PPP4R4: variants seen among roughly 807,000 people sequenced by gnomAD.
The protein encoded by PPP4R4 is serine/threonine-protein phosphatase 4 regulatory subunit 4.
A neutral mutation model predicts 121.8 loss-of-function variants in PPP4R4; 70 were observed. The ratio of observed to expected loss-of-function variants is 0.57; its 90% CI spans 0.47 to 0.70. The LOEUF is 0.70. Among genes scored for constraint, PPP4R4 ranks in the 30% least tolerant of loss-of-function variants. The probability of loss-of-function intolerance (pLI) is 0.00; values close to 1 mark genes in which losing one functional copy is unlikely to be tolerated. For synonymous variants in PPP4R4, 348 were observed against 355.7 expected (o/e 0.98, Z 0.24); for missense variants, 875 against 1,033.6 (o/e 0.85, Z 2.10).
At chr14:94,245,783 C>A in intron 13 of PPP4R4, 113 bp downstream of exon 13, 1 of 631,340 alleles carries the variant, frequency 1.6e-6, no homozygotes, top group Non-Finnish European at 2.6e-6. Context: ...ATAGTGCATG[C>A]CACATAGCAG....
chr14:94,182,881 C>T (rs1414227909), intron 2 of PPP4R4, among the ~76,000 whole-genome samples: 2 of 152,150 alleles, frequency 1.3e-5, no homozygotes, highest in Non-Finnish European at 2.9e-5. Flanking sequence ...GTTTGTACTT[C>T]TGCCAGCAGT....
chr14:94,257,700 C>T (rs1197307328), intron 17 of PPP4R4, among the ~76,000 whole-genome samples: 2 of 150,428 alleles, frequency 1.3e-5, no homozygotes, highest in Non-Finnish European at 3.0e-5. Context: ...ACAGTTCCTT[C>T]CTTACTATTT....
intron 2 of PPP4R4, among the ~76,000 whole-genome samples, chr14:94,202,189 A>G (rs1339220943): frequency 6.6e-6 from 1 of 152,072 alleles, no homozygotes; most frequent in Non-Finnish European, 1.5e-5. Context: ...AAAAGACTAC[A>G]CACTGGGTAC....
chr14:94,272,143 G>A (rs948687741), intron 23 of PPP4R4, among the ~76,000 whole-genome samples: 2 of 152,166 alleles, frequency 1.3e-5, no homozygotes, highest in Non-Finnish European at 2.9e-5. Flanking sequence ...AAGTTATTTG[G>A]TGGATATCAA....
intron 8 of PPP4R4, among the ~76,000 whole-genome samples, chr14:94,238,944 C>G (rs1446864885): frequency 6.6e-6 from 1 of 152,180 alleles, no homozygotes; most frequent in Non-Finnish European, 1.5e-5. Flanking sequence ...TCCCCAGGCT[C>G]CAAACTAGAA....
chr14:94,202,714 C>T (rs1249413311), intron 2 of PPP4R4, among the ~76,000 whole-genome samples: 1 of 152,190 alleles, frequency 6.6e-6, no homozygotes, highest in African/African-American at 2.4e-5. Flanking sequence ...TGTGGTGGCT[C>T]ACGCCTGTAA....
At chr14:94,276,239 T>C (rs1223039826) in intron 24 of PPP4R4, among the ~76,000 whole-genome samples, 1 of 152,220 alleles carries the variant, frequency 6.6e-6, no homozygotes, top group Non-Finnish European at 1.5e-5. Flanking sequence ...TTAACAAGAT[T>C]TAGATTTTCT....
chr14:94,228,430 C>G (rs1377167574), intron 3 of PPP4R4, among the ~76,000 whole-genome samples: 1 of 152,142 alleles, frequency 6.6e-6, no homozygotes, highest in African/African-American at 2.4e-5. Flanking sequence ...GTGTTATCCC[C>G]TATTGTGATG....
At position 94,253,649 on chromosome 14, in the gene PPP4R4, CA is replaced by C. The variant is rs1449954447; in HGVS notation, c.1865+1754del. ...GAAACGAAATCATCTCTACTTTGATCAGTGTAACTAAGAGCATAACATTGAC... is the reference window on the plus strand; with the variant it reads ...GAAACGAAATCATCTCTACTTTGATCGTGTAACTAAGAGCATAACATTGAC... On this transcript the variant is annotated intron_variant, in intron 16 of 24. Transcript: ENST00000304338. Among the ~76,000 whole-genome samples the C allele has an allele frequency of 3.9e-5, 6 of 152,332 alleles. No individual in the cohort carries two copies. The East Asian group carries it at 9.6e-4, about 24-fold the overall frequency.
chr14:94,249,043 G>C (rs1307170379), intron 14 of PPP4R4, among the ~76,000 whole-genome samples: 1 of 151,562 alleles, frequency 6.6e-6, no homozygotes, highest in Non-Finnish European at 1.5e-5. Flanking sequence ...TTTGACTTCT[G>C]GCCCAAAAGA....
chr14:94,241,640 T>C (rs1482152783), intron 9 of PPP4R4, 148 bp from the exon 10 acceptor site: 2 of 611,062 alleles, frequency 3.3e-6, no homozygotes, highest in Non-Finnish European at 5.5e-6. Flanking sequence ...TAACAGATAC[T>C]CTTTTCATGT....
chr14:94,227,174 G>A, intron 3 of PPP4R4: 1 of 791,734 alleles, frequency 1.3e-6, no homozygotes. Context: ...TTTCATTTTT[G>A]AGGAATTCAA....
chr14:94,274,561 T>C (rs1369751954), intron 23 of PPP4R4, among the ~76,000 whole-genome samples: 1 of 151,954 alleles, frequency 6.6e-6, no homozygotes, highest in Non-Finnish European at 1.5e-5. Context: ...TTAAAAGCAA[T>C]AAAAAAAGCA....
chr14:94,257,670 C>CAT (rs1350965281), intron 17 of PPP4R4, among the ~76,000 whole-genome samples: 61 of 151,802 alleles, frequency 4.0e-4, no homozygotes, highest in Admixed American at 2.6e-3. Flanking sequence ...CACACACACA[C>CAT]ACACACTTGT....
At chr14:94,202,712 C>A (rs1432706582) in intron 2 of PPP4R4, among the ~76,000 whole-genome samples, 2 of 152,200 alleles carry the variant, frequency 1.3e-5, no homozygotes, top group Non-Finnish European at 2.9e-5. Flanking sequence ...GGTGTGGTGG[C>A]TCACGCCTGT....
chr14:94,263,395 G>T (rs1243552945), intron 19 of PPP4R4, among the ~76,000 whole-genome samples: 1 of 152,032 alleles, frequency 6.6e-6, no homozygotes, highest in African/African-American at 2.4e-5. Context: ...TCTCCATTCA[G>T]CTGCTGAGCC....
intron 19 of PPP4R4, among the ~76,000 whole-genome samples, chr14:94,262,709 G>A (rs2139635500): frequency 6.6e-6 from 1 of 151,988 alleles, no homozygotes; most frequent in South Asian, 2.1e-4. Flanking sequence ...CATTTCCAGT[G>A]CTCTTCATTC....
chr14:94,265,225 A>G (rs1196213339), intron 20 of PPP4R4, among the ~76,000 whole-genome samples, 162 bp from the exon 21 acceptor site: 2 of 152,222 alleles, frequency 1.3e-5, no homozygotes, highest in African/African-American at 2.4e-5. Flanking sequence ...TCACTGAATA[A>G]CAAAGATTGA....
At chr14:94,236,242 T>G (rs563349413) in intron 7 of PPP4R4, among the ~76,000 whole-genome samples, 1 of 152,028 alleles carries the variant, frequency 6.6e-6, no homozygotes, top group African/African-American at 2.4e-5. Context: ...CACTGTCACA[T>G]GTTTTTGAAA....
Sources: allele counts gnomAD v4.1 joint callset (sites outside exome capture counted in the v4.1 genomes callset), GRCh38; gene constraint gnomAD v4.1.1; transcripts MANE v1.5; gene names NCBI Gene and HGNC (gene_info 2026-07-23, HGNC 2026-07-21).